The following TTN variants were observed in gnomAD, a reference collection of about 807,000 sequenced individuals.
The protein encoded by TTN is titin.
In TTN, 1,525 loss-of-function variants were observed where a neutral mutation model predicts 3,223.0. The ratio of observed to expected loss-of-function variants is 0.47; its 90% CI spans 0.45 to 0.49. The LOEUF (loss-of-function observed/expected upper bound fraction) is 0.49, where lower values mean the gene tolerates loss of function less well. Ranked by LOEUF, TTN falls within the 20% of genes least tolerant of loss-of-function variation. TTN has a pLI of 0.00. For synonymous variants in TTN, 14,094 were observed against 15,161.0 expected (o/e 0.93, Z 5.17); for missense variants, 40,786 against 43,424.0 (o/e 0.94, Z 5.40).
chr2:178,797,738 T>G (rs2093845985), intron 6 of TTN, among the ~76,000 whole-genome samples: 1 of 152,150 alleles, frequency 6.6e-6, no homozygotes, highest in African/African-American at 2.4e-5. Context: ...GGTCTTAAAA[T>G]TTTTTCACAA....
Position 178,546,010 on chromosome 2 carries a change from G to T in TTN, c.95226C>A (p.His31742Gln), listed in dbSNP as rs771123318. The change falls in exon 343 of 363, where the codon CAC (histidine) becomes CAA (glutamine). Residue 31742 changes from histidine to glutamine, a missense_variant. Coordinates refer to ENST00000589042, the MANE Select transcript of TTN (RefSeq NM_001267550.2). ...TAGTCTCGCGTCTTTCCACGATGTA[G>T]TGAGTGATTTCTGCTCCTCCGTCTT... ...PQEDGGAEIT[H>Q]YIVERRETSR... The T allele has an allele frequency of 6.2e-7, 1 of 1,613,692 alleles. No individual in the cohort carries two copies. Among genetic ancestry groups the T allele is most frequent in the African/African-American group, 1.3e-5 (1 of 74,924 alleles).
chr2:178,592,505 CA>C lies in TTN; in HGVS notation c.59499del (p.Ile19833MetfsTer3). The C allele has an allele frequency of 6.2e-7, 1 of 1,613,512 alleles. No individual in the cohort carries two copies. Among genetic ancestry groups the C allele is most frequent in the African/African-American group, 1.3e-5 (1 of 75,020 alleles). ...AGCTTGCTACCAACTGGAGTCACATCAATTCTTGCTTTAGTTGGAGCATCTC... is the reference window on the plus strand; with the variant it reads ...AGCTTGCTACCAACTGGAGTCACATCATTCTTGCTTTAGTTGGAGCATCTC... ...EDRDAPTKAR[I>X]DVTPVGSKLE... is the part of the protein sequence containing the mutation. On this transcript the variant is annotated frameshift_variant, in exon 301 of 363. Transcript: ENST00000589042. LOFTEE classifies it high-confidence loss of function.
intron 147 of TTN, among the ~76,000 whole-genome samples, chr2:178,676,408 G>A (rs796758440): frequency 1.3e-5 from 2 of 151,800 alleles, no homozygotes; most frequent in South Asian, 2.1e-4. Context: ...GGCCTGATGC[G>A]AGGGTTATGC....
chr2:178,732,850 T>C lies in TTN; in HGVS notation c.16326A>G (p.Gly5442=). The change falls in exon 55 of 363, where the codon GGA becomes GGG. Residue 5442 remains glycine (G), a synonymous_variant. Transcript: ENST00000589042. ...TNSVGSKDSS[G]ALIVQEPPSF... is the part of the protein sequence containing the mutation. ...CCAGCCAACCTTGCACAATCAGGGC[T>C]CCACTGCTGTCTTTGCTTCCCACGG... 1.2e-6 allele frequency: 2 copies of C among 1,612,018 alleles called. No homozygotes were observed. The highest frequency in any genetic ancestry group is 8.5e-7 in the Non-Finnish European group (1 of 1,178,634).
intron 10 of TTN, among the ~76,000 whole-genome samples, chr2:178,791,813 T>C (rs2093519106): frequency 6.6e-6 from 1 of 152,152 alleles, no homozygotes; most frequent in Admixed American, 6.5e-5. Context: ...CATCCATTTA[T>C]GTATGTTCTA....
intron 239 of TTN, 44 bp downstream of exon 239, chr2:178,630,196 GA>G: frequency 6.2e-7 from 1 of 1,608,816 alleles, no homozygotes; most frequent in Non-Finnish European, 8.5e-7. Flanking sequence ...TTCATTTTCT[GA>G]AAAAGTGTTT....
chr2:178,568,405 T>A lies in TTN; in HGVS notation c.77727A>T (p.Thr25909=). 6.2e-7 allele frequency: 1 copy of A among 1,613,172 alleles called. No homozygotes were observed. ...TATATAATGGAGGGTTCCAAGATAATGTAATACTTTCAGCACTGACGTCAT... is the reference window on the plus strand; with the variant it reads ...TATATAATGGAGGGTTCCAAGATAAAGTAATACTTTCAGCACTGACGTCAT... ...KFDDVSAESI[T]LSWNPPLYTG... The change falls in exon 326 of 363, where the codon ACA becomes ACT. Residue 25909 remains threonine (T), a synonymous_variant. Transcript: ENST00000589042.
At position 178,633,006 on chromosome 2, in the gene TTN, C is replaced by T. The variant is rs772822428; in HGVS notation, c.43125G>A (p.Leu14375=). The part of the protein sequence containing the change: ...EIIEDGKKHI[L]ILHNCQLGMT... ...TACCCAGCTGACAGTTATGAAGGATCAGAATATGCTTCTTTCCATCCTCAA... is the reference window on the plus strand; with the variant it reads ...TACCCAGCTGACAGTTATGAAGGATTAGAATATGCTTCTTTCCATCCTCAA... Residue 14375 remains leucine (L), a synonymous_variant, in exon 234 of 363, where the codon CTG becomes CTA. Transcript: ENST00000589042. The T allele has an allele frequency of 3.1e-6, 5 of 1,613,106 alleles. No individual in the cohort carries two copies. The highest frequency in any genetic ancestry group is 4.2e-6 in the Non-Finnish European group (5 of 1,179,396).
Position 178,612,557 on chromosome 2 carries a change from G to A in TTN, c.49968C>T (p.Arg16656=), listed in dbSNP as rs750363367. 1 of 1,609,982 alleles carries A rather than the reference G, an allele frequency of 6.2e-7. No homozygotes were observed. The highest frequency in any genetic ancestry group is 2.2e-5 in the East Asian group (1 of 44,504). Reference sequence around the variant, plus strand: ...TTGTGATATTAATAACTTCAAGCCAGCGTGGTGGTGATGGAGGATCTGAAA... The same window carrying A: ...TTGTGATATTAATAACTTCAAGCCAACGTGGTGGTGATGGAGGATCTGAAA... ...REKLYPPSPP[R]WLEVINITKN... is the part of the protein sequence containing the mutation. The change falls in exon 266 of 363, where the codon CGC becomes CGT. Residue 16656 remains arginine (R), a synonymous_variant. Transcript: ENST00000589042.
At position 178,669,358 on chromosome 2, in the gene TTN, T is replaced by G; in HGVS notation, c.35545+15A>C. 2.6e-6 allele frequency: 4 copies of G among 1,518,966 alleles called. No homozygotes were observed. The highest frequency in any genetic ancestry group is 2.6e-6 in the Non-Finnish European group (3 of 1,141,752). The allele number at this position is 1,518,966 out of a possible 1,614,324, so 94.1% of individuals were successfully genotyped here. Reference sequence around the variant, plus strand: ...AAATGAAACGAAAAAGAACCACTAATTTTTCTACACTCACTGTACATCTCT... The same window carrying G: ...AAATGAAACGAAAAAGAACCACTAAGTTTTCTACACTCACTGTACATCTCT... On this transcript the variant is annotated intron_variant, in intron 159 of 362. Coordinates refer to ENST00000589042, the MANE Select transcript of TTN (RefSeq NM_001267550.2).
rs1321838431 is a variant in TTN at position 178,538,123 on chromosome 2, TAG to T, written c.99290-208_99290-207del. On this transcript the variant is annotated intron_variant, in intron 354 of 362. Transcript: ENST00000589042. Reference sequence around the variant, plus strand: ...AATGAGCACATCGTCACATTTTATGTAGAGTGTTTTTTTCTCTTTATGATTGG... The same window carrying T: ...AATGAGCACATCGTCACATTTTATGTAGTGTTTTTTTCTCTTTATGATTGG... The T allele has an allele frequency of 3.1e-5, 18 of 579,774 alleles. No individual in the cohort carries two copies. In the East Asian group the frequency reaches 4.0e-4, roughly 13 times the overall value. The allele number at this position is 579,774 out of a possible 1,614,324, so 35.9% of individuals were successfully genotyped here.
rs760845662 is a variant in TTN at position 178,547,962 on chromosome 2, T to G, written c.93664A>C (p.Asn31222His). Residue 31222 changes from asparagine to histidine, a missense_variant, in exon 339 of 363, where the codon AAT becomes CAT. Physicochemically the swap from Asn to His is moderately conservative, Grantham distance 68. Coordinates refer to ENST00000589042, the MANE Select transcript of TTN (RefSeq NM_001267550.2). The part of the protein sequence containing the change: ...EPTADLTGIT[N>H]QLITCKAGSP... ...CCTGCTTTGCAAGTTATAAGCTGAT[T>G]GGTAATTCCAGTGAGGTCAGCAGTG... 6 of 1,613,592 alleles carry G rather than the reference T, an allele frequency of 3.7e-6. No homozygotes were observed. The highest frequency in any genetic ancestry group is 5.1e-6 in the Non-Finnish European group (6 of 1,179,738).
rs1311556437 is a variant in TTN at position 178,552,215 on chromosome 2, T to C, written c.90685A>G (p.Lys30229Glu). 5.6e-6 allele frequency: 9 copies of C among 1,613,470 alleles called. No homozygotes were observed. Among genetic ancestry groups the C allele is most frequent in the Non-Finnish European group, 6.8e-6 (8 of 1,179,634 alleles). Residue 30229 changes from lysine (K) to glutamate (E), a missense_variant, in exon 335 of 363, where the codon AAA becomes GAA. Coordinates refer to ENST00000589042, the MANE Select transcript of TTN (RefSeq NM_001267550.2). The part of the protein sequence containing the change: ...VITLGPPSKP[K>E]GPIRFDEIKA... ...ATTTCATCAAATCGAATGGGTCCTT[T>C]GGGCTTTGATGGTGGGCCAAGGGTG...
In TTN at chr2:178,640,629, T is replaced by A; in HGVS notation, c.40635A>T (p.Val13545=). 1.3e-6 allele frequency: 2 copies of A among 1,570,484 alleles called. No individual in the cohort carries two copies. Among genetic ancestry groups the A allele is most frequent in the South Asian group, 2.4e-5 (2 of 84,146 alleles). The change falls in exon 221 of 363, where the codon GTA becomes GTT. Residue 13545 remains valine, a splice_region_variant and synonymous_variant. Transcript: ENST00000589042. ...KKLEKVKKPA[V]PEPPPPKPVE... is the part of the protein sequence containing the mutation. ...CAGGTTTTGGAGGTGGTGGTTCTGGTACTTTAAGATAAGATTATTTTTTCA... is the reference window on the plus strand; with the variant it reads ...CAGGTTTTGGAGGTGGTGGTTCTGGAACTTTAAGATAAGATTATTTTTTCA...
rs553949797 is a variant in TTN, at chr2:178,561,276, C to G, written c.84856G>C (p.Gly28286Arg). 16 of 1,613,782 alleles carry G rather than the reference C, an allele frequency of 9.9e-6. No individual in the cohort carries two copies. The African/African-American group carries it at 2.0e-4, about 20-fold the overall frequency. The change falls in exon 326 of 363, where the codon GGA becomes CGA. Residue 28286 changes from glycine (G) to arginine (R), a missense_variant. Coordinates refer to ENST00000589042, the MANE Select transcript of TTN (RefSeq NM_001267550.2). Reference protein sequence around the residue: ...PHYDGGAKITGYIVERRELPD... With the variant: ...PHYDGGAKITRYIVERRELPD... ...AGTTCTCTGCGTTCAACAATGTATC[C>G]TGTGATCTTAGCTCCACCATCATAA...
rs1553995474 is a variant in TTN, at chr2:178,770,507, T to C, written c.8285A>G (p.Tyr2762Cys). The C allele has an allele frequency of 1.2e-6, 2 of 1,613,970 alleles. No homozygotes were observed. Among genetic ancestry groups the C allele is most frequent in the African/African-American group, 1.3e-5 (1 of 74,992 alleles). The change falls in exon 35 of 363, where the codon TAC (tyrosine) becomes TGC (cysteine). Residue 2762 changes from tyrosine (Y) to cysteine (C), a missense_variant. Transcript: ENST00000589042. ...GGCACAGTTTTTAATCCTCAGAGAG[T>C]AAATTGTTCCTTTGACAGAGATAGC... ...KYAISVKGTI[Y>C]SLRIKNCAIV...
rs1559566613 is a variant in TTN at position 178,589,112 on chromosome 2, C to T, written c.62613G>A (p.Leu20871=). The change falls in exon 304 of 363, where the codon CTG becomes CTA. Residue 20871 remains leucine (L), a synonymous_variant. Coordinates refer to ENST00000589042, the MANE Select transcript of TTN (RefSeq NM_001267550.2). ...TATCACTGGACACATCAACAATTTTCAGATTTCTCACAGGACCAGGCTTAT... is the reference window on the plus strand; with the variant it reads ...TATCACTGGACACATCAACAATTTTTAGATTTCTCACAGGACCAGGCTTAT... ...VLDKPGPVRN[L]KIVDVSSDRC... 1 of 1,611,784 alleles carries T rather than the reference C, an allele frequency of 6.2e-7. No homozygotes were observed. The highest frequency in any genetic ancestry group is 8.5e-7 in the Non-Finnish European group (1 of 1,179,592).
rs912454417 is a variant in TTN, at chr2:178,567,470, G to A, written c.78662C>T (p.Pro26221Leu). The A allele has an allele frequency of 3.7e-6, 6 of 1,612,944 alleles. No homozygotes were observed. In the African/African-American group the frequency reaches 6.7e-5, roughly 18 times the overall value. ...TCTTAACCACTCAATGGTAGGTAGG[G>A]GCTTTCCATGGACATCAGCCTCAAG... Reference protein sequence around the residue: ...FRLEADVHGKPLPTIEWLRGD... With the variant: ...FRLEADVHGKLLPTIEWLRGD... The change falls in exon 326 of 363, where the codon CCC (proline) becomes CTC (leucine). Residue 26221 changes from proline (P) to leucine (L), a missense_variant. Coordinates refer to ENST00000589042, the MANE Select transcript of TTN (RefSeq NM_001267550.2).
At chr2:178,699,383 C>CTTTTTTTTTTTTTTTTT (rs59989386) in intron 111 of TTN, among the ~76,000 whole-genome samples, 1 of 44,858 alleles carries the variant, frequency 2.2e-5, no homozygotes, top group Non-Finnish European at 4.4e-5. Flanking sequence ...AAATAACACT[C>CTTTTTTTTTTTTTTTTT]TTTTTTTTTT....
Sources: gnomAD v4.1 joint callset for allele counts (sites outside exome capture counted in the v4.1 genomes callset) on GRCh38, gnomAD v4.1.1 for gene constraint, MANE v1.5 for transcripts, NCBI Gene and HGNC (gene_info 2026-07-23, HGNC 2026-07-21) for gene names.